Variants in ZNF316 observed in about 807,000 individuals in gnomAD.
The protein encoded by ZNF316 is zinc finger protein 316.
A neutral mutation model predicts 75.6 loss-of-function variants in ZNF316; 23 were observed. The observed-to-expected ratio is 0.30, with a 90% CI of 0.22 to 0.43. The LOEUF is 0.43. ZNF316 is among the 20% of genes least tolerant of loss of function. ZNF316 has a pLI of 1.00. For synonymous variants in ZNF316, 827 were observed against 666.2 expected (o/e 1.24, Z -3.72); for missense variants, 1,266 against 1,409.4 (o/e 0.90, Z 1.63).
intron 8 of ZNF316, 33 bp downstream of exon 8, chr7:6,644,626 G>A (rs1273753477): frequency 2.1e-5 from 24 of 1,166,810 alleles, no homozygotes; most frequent in Non-Finnish European, 2.6e-5. Flanking sequence ...GGTTTGTGCC[G>A]ATAGCTTCTC....
chr7:6,656,913 G>A lies in ZNF316; in HGVS notation c.*2302G>A, dbSNP rs1779639030. ...GTTGATTTCTTTATTCTTATCACAT[G>A]GTAGCCCACGATCAGATCTGACTCT... On this transcript the variant is annotated 3_prime_UTR_variant, in exon 9 of 9. Coordinates refer to ENST00000382252, the MANE Select transcript of ZNF316 (RefSeq NM_001278559.2). Among the ~76,000 whole-genome samples the A allele has an allele frequency of 6.6e-6, 1 of 152,122 alleles. No individual in the cohort carries two copies. The highest frequency in any genetic ancestry group is 6.5e-5 in the Admixed American group (1 of 15,268).
intron 8 of ZNF316, among the ~76,000 whole-genome samples, chr7:6,648,103 G>A (rs754112601): frequency 3.9e-5 from 6 of 152,182 alleles, no homozygotes; most frequent in Non-Finnish European, 8.8e-5. Flanking sequence ...GTAAATGCCC[G>A]GCTTTGGTGA....
rs1295016190 is a variant in ZNF316, at chr7:6,657,657, A to G, written c.*3046A>G. 6.6e-6 allele frequency among the ~76,000 whole-genome samples: 1 copy of G among 151,904 alleles called. No individual in the cohort carries two copies. Among genetic ancestry groups the G allele is most frequent in the African/African-American group, 2.4e-5 (1 of 41,342 alleles). The stretch of plus-strand genomic sequence containing the variant: ...GCTCAGGAGTTCGAGGCCAGCTGGG[A>G]CAACACGGCAAAACTCTTGTCTCTA... On this transcript the variant is annotated 3_prime_UTR_variant, in exon 9 of 9. Transcript: ENST00000382252.
At chr7:6,648,414 G>T (rs1311989738) in intron 8 of ZNF316, among the ~76,000 whole-genome samples, 2 of 152,172 alleles carry the variant, frequency 1.3e-5, no homozygotes, top group African/African-American at 2.4e-5. Flanking sequence ...CTTGAGCGGT[G>T]ACCAACAGAA....
Position 6,652,706 on chromosome 7 carries a change from C to T in ZNF316, c.1110C>T (p.Val370=). 8.1e-7 allele frequency: 1 copy of T among 1,238,120 alleles called. No homozygotes were observed. The highest frequency in any genetic ancestry group is 1.0e-6 in the Non-Finnish European group (1 of 990,738). 76.7% of individuals were successfully genotyped at this position (1,238,120 alleles called of 1,614,324 possible). The change falls in exon 9 of 9, where the codon GTC becomes GTT. Residue 370 remains valine (V), a synonymous_variant. Transcript: ENST00000382252. ...AGCACCAGCGCTACCACGCGGCCGT[C>T]AAGCCCTTCGGCTGCGAGGAGTGCG... ...LAKHQRYHAA[V]KPFGCEECGK... is the part of the protein sequence containing the mutation.
intron 8 of ZNF316, among the ~76,000 whole-genome samples, chr7:6,647,834 C>T (rs1779435013): frequency 6.6e-6 from 1 of 152,140 alleles, no homozygotes; most frequent in South Asian, 2.1e-4. Context: ...TGTGTGGGGT[C>T]CCGTGGCAGG....
chr7:6,646,242 G>C (rs1779401180), intron 8 of ZNF316, among the ~76,000 whole-genome samples: 1 of 152,140 alleles, frequency 6.6e-6, no homozygotes, highest in South Asian at 2.1e-4. Flanking sequence ...CCAGATACTT[G>C]GGGACCCTCT....
chr7:6,657,442 A>G lies in ZNF316; in HGVS notation c.*2831A>G, dbSNP rs1779647261. Among the ~76,000 whole-genome samples the G allele has an allele frequency of 6.6e-6, 1 of 152,120 alleles. No homozygotes were observed. The highest frequency in any genetic ancestry group is 2.4e-5 in the African/African-American group (1 of 41,428). ...CAAGGCCAACCTGGGCAACGTATCA[A>G]GACTCCATGTCTGAAACAGACGTTT... On this transcript the variant is annotated 3_prime_UTR_variant, in exon 9 of 9. Coordinates refer to ENST00000382252, the MANE Select transcript of ZNF316 (RefSeq NM_001278559.2).
At chr7:6,652,176 C>A in intron 8 of ZNF316, 127 bp from the exon 9 acceptor site, 1 of 880,724 alleles carries the variant, frequency 1.1e-6, no homozygotes, top group Non-Finnish European at 1.5e-6. Flanking sequence ...GGAGGTGCCC[C>A]GTCCGACTGA....
chr7:6,650,893 C>T (rs917645518), intron 8 of ZNF316, among the ~76,000 whole-genome samples: 7 of 152,268 alleles, frequency 4.6e-5, no homozygotes, highest in Admixed American at 3.9e-4. Context: ...CTCCTGGGTG[C>T]GTCACGATGT....
chr7:6,638,279 A>G (rs1779254523), intron 2 of ZNF316, among the ~76,000 whole-genome samples: 1 of 151,860 alleles, frequency 6.6e-6, no homozygotes, highest in Non-Finnish European at 1.5e-5. Flanking sequence ...AATAACCTGC[A>G]CCAGGAGCAA....
chr7:6,654,819 G>C lies in ZNF316; in HGVS notation c.*208G>C, dbSNP rs1779589963. 2.8e-6 allele frequency: 1 copy of C among 354,338 alleles called. No homozygotes were observed. The highest frequency in any genetic ancestry group is 4.7e-6 in the Non-Finnish European group (1 of 214,834). The allele number at this position is 354,338 out of a possible 1,614,324, so 21.9% of individuals were successfully genotyped here. A position where few individuals can be genotyped will look rare whatever the true frequency, so the allele number is the denominator to read the frequency against. ...ACGTGGGGGAGCTCTGGGGAGAAGA[G>C]CAGCGCGGAGGCAGCGAGGCCAGGA... On this transcript the variant is annotated 3_prime_UTR_variant, in exon 9 of 9. Coordinates refer to ENST00000382252, the MANE Select transcript of ZNF316 (RefSeq NM_001278559.2).
At chr7:6,648,233 C>A (rs1304412239) in intron 8 of ZNF316, among the ~76,000 whole-genome samples, 1 of 152,146 alleles carries the variant, frequency 6.6e-6, no homozygotes, top group East Asian at 1.9e-4. Flanking sequence ...GGTGCCCCGC[C>A]CCTCCTGTCC....
chr7:6,642,819 G>C lies in ZNF316; in HGVS notation c.355+55G>C. 1.6e-6 allele frequency: 2 copies of C among 1,232,450 alleles called. No individual in the cohort carries two copies. The highest frequency in any genetic ancestry group is 2.0e-6 in the Non-Finnish European group (2 of 988,186). The allele number at this position is 1,232,450 out of a possible 1,614,324, so 76.3% of individuals were successfully genotyped here. A position where few individuals can be genotyped will look rare whatever the true frequency, so the allele number is the denominator to read the frequency against. The stretch of plus-strand genomic sequence containing the variant: ...GATGAAGGGGGCTGAGGTGGGCCAG[G>C]CCAGGGACCTGGTCAAGCCAGGAGG... On this transcript the variant is annotated intron_variant, in intron 5 of 8. Transcript: ENST00000382252. The surrounding 1 kb of genome is among the most constrained non-coding windows in gnomAD (Gnocchi z 8.1).
chr7:6,653,302 A>G lies in ZNF316; in HGVS notation c.1706A>G (p.Lys569Arg), dbSNP rs576563252. Residue 569 changes from lysine to arginine, a missense_variant, in exon 9 of 9, where the codon AAG becomes AGG. Transcript: ENST00000382252. ...GTGGCGGCGCCCACCCCCAGCGGCA[A>G]GGTGGACCCCGCGCCGGAACGGCGC... ...AAVAAPTPSG[K>R]VDPAPERRFL... 272 of 1,227,128 alleles carry G rather than the reference A, an allele frequency of 2.2e-4. No homozygotes were observed. In the African/African-American group the frequency reaches 3.7e-3, roughly 17 times the overall value. 76.0% of individuals were successfully genotyped at this position (1,227,128 alleles called of 1,614,324 possible).
At chr7:6,646,889 A>C (rs1554290196) in intron 8 of ZNF316, among the ~76,000 whole-genome samples, 2 of 152,028 alleles carry the variant, frequency 1.3e-5, no homozygotes, top group African/African-American at 2.4e-5. Flanking sequence ...CACACATGAC[A>C]TCTGGGCTCT....
At position 6,654,312 on chromosome 7, in the gene ZNF316, C is replaced by T; in HGVS notation, c.2716C>T (p.Gln906Ter). Residue 906 changes from glutamine to a stop codon, truncating the protein, a stop_gained, in exon 9 of 9, where the codon CAG (glutamine) becomes TAG (stop). Coordinates refer to ENST00000382252, the MANE Select transcript of ZNF316 (RefSeq NM_001278559.2). LOFTEE classifies it high-confidence loss of function. The stretch of plus-strand genomic sequence containing the variant: ...GCAGCGCTCGGTGCTGGTCACGCAC[C>T]AGCGCACACATACGGGCGAGCGGCC... ...FSQRSVLVTH[Q>*]RTHTGERPYA... 8.2e-7 allele frequency: 1 copy of T among 1,223,790 alleles called. No individual in the cohort carries two copies. Among genetic ancestry groups the T allele is most frequent in the Non-Finnish European group, 1.0e-6 (1 of 982,404 alleles). 75.8% of individuals were successfully genotyped at this position (1,223,790 alleles called of 1,614,324 possible). A position where few individuals can be genotyped will look rare whatever the true frequency, so the allele number is the denominator to read the frequency against.
At chr7:6,650,400 T>C (rs745569562) in intron 8 of ZNF316, among the ~76,000 whole-genome samples, 2 of 152,232 alleles carry the variant, frequency 1.3e-5, no homozygotes, top group Non-Finnish European at 2.9e-5. Context: ...AGTAAACCGA[T>C]AAAGTATCAT....
rs6967125 is a variant in ZNF316 at position 6,657,382 on chromosome 7, G to T, written c.*2771G>T. On this transcript the variant is annotated 3_prime_UTR_variant, in exon 9 of 9. Coordinates refer to ENST00000382252, the MANE Select transcript of ZNF316 (RefSeq NM_001278559.2). ...CATCTGTAGTCCCATCTACTTGGGA[G>T]GCTGAGGTGGGAGGATCGCCTGAGA... Among the ~76,000 whole-genome samples the T allele has an allele frequency of 5.3e-3, 806 of 150,994 alleles. 9 individuals carry two copies. The highest frequency in any genetic ancestry group is 0.019 in the African/African-American group (762 of 41,030).
Sources: allele counts gnomAD v4.1 joint callset (sites outside exome capture counted in the v4.1 genomes callset), GRCh38; gene constraint gnomAD v4.1.1; non-coding constraint Gnocchi (gnomAD v3.1); transcripts MANE v1.5; gene names NCBI Gene and HGNC (gene_info 2026-07-23, HGNC 2026-07-21).